The following AARS1 variants were observed in gnomAD, a reference collection of about 807,000 sequenced individuals.
The protein encoded by AARS1 is alanine--tRNA ligase, cytoplasmic.
Under a neutral mutation model 108.9 loss-of-function variants are expected in AARS1, and 72 were observed. The ratio of observed to expected loss-of-function variants is 0.66; its 90% CI spans 0.55 to 0.80. The LOEUF is 0.80. Ranked by LOEUF, AARS1 falls within the 30% of genes least tolerant of loss-of-function variation. AARS1 has a pLI of 0.00. For synonymous variants in AARS1, 489 were observed against 465.7 expected, an observed-to-expected ratio of 1.05 and a Z score of -0.64; for missense variants, 1,193 against 1,233.2, an observed-to-expected ratio of 0.97 and a Z score of 0.49.
intron 8 of AARS1, 29 bp downstream of exon 8, chr16:70,268,242 C>A (rs776964399): frequency 3.2e-5 from 51 of 1,594,342 alleles, no homozygotes; most frequent in Admixed American, 1.0e-4. Context: ...TGCTTTAGCA[C>A]AGAAGGGTAA....
chr16:70,253,416 G>T (rs763612004), intron 19 of AARS1, 35 bp from the exon 20 acceptor site: 8 of 1,529,084 alleles, frequency 5.2e-6, no homozygotes, highest in Non-Finnish European at 7.2e-6. Context: ...CACGGTGCTG[G>T]AGCAGGGACC....
intron 4 of AARS1, among the ~76,000 whole-genome samples, chr16:70,272,751 C>G (rs1365469534): frequency 6.7e-6 from 1 of 150,226 alleles, no homozygotes; most frequent in Non-Finnish European, 1.5e-5. Context: ...AACCCCGACT[C>G]TCTAAAAAAT....
At chr16:70,268,174 C>G in intron 8 of AARS1, 97 bp downstream of exon 8, 1 of 1,178,006 alleles carries the variant, frequency 8.5e-7, no homozygotes, top group South Asian at 1.3e-5. Flanking sequence ...TCTCAAAAAA[C>G]AGCAACAAAA....
In AARS1 at chr16:70,267,691, A is replaced by C; in HGVS notation, c.1190T>G (p.Ile397Ser). 1 of 1,614,042 alleles carries C rather than the reference A, an allele frequency of 6.2e-7. No homozygotes were observed. Among genetic ancestry groups the C allele is most frequent in the Non-Finnish European group, 8.5e-7 (1 of 1,180,014 alleles). ...GGTCTTGCTGTCTCCCAGGCTCTGA[A>C]TTTTCCTGTCCAGGATGCGACGCCC... ...SRGRRILDRK[I>S]QSLGDSKTIP... is the part of the protein sequence containing the mutation. The change falls in exon 9 of 21, where the codon ATT (isoleucine) becomes AGT (serine). Residue 397 changes from isoleucine (I) to serine (S), a missense_variant. By Grantham distance (142) the Ile-to-Ser change is moderately radical (BLOSUM62 -2). Coordinates refer to ENST00000261772, the MANE Select transcript of AARS1 (RefSeq NM_001605.3).
chr16:70,277,235 C>T lies in AARS1; in HGVS notation c.145-81G>A, dbSNP rs975931836. The T allele has an allele frequency of 5.1e-5, 69 of 1,350,086 alleles. 1 individual carries two copies. The highest frequency in any genetic ancestry group is 2.2e-4 in the Middle Eastern group (1 of 4,466). 83.6% of individuals were successfully genotyped at this position (1,350,086 alleles called of 1,614,324 possible). On this transcript the variant is annotated intron_variant, in intron 2 of 20. Transcript: ENST00000261772. ...CCACACACTAGCAGGAAGAGACGAC[C>T]ACACACTAACTGTGCAGTTCATGAT...
chr16:70,265,282 G>T (rs992751671), intron 10 of AARS1, 180 bp from the exon 11 acceptor site: 4 of 949,512 alleles, frequency 4.2e-6, no homozygotes, highest in Non-Finnish European at 6.6e-6. Flanking sequence ...TGCAGTGTGG[G>T]ATGCTGAGGG....
At chr16:70,275,515 C>G (rs1224415775) in intron 4 of AARS1, among the ~76,000 whole-genome samples, 1 of 151,836 alleles carries the variant, frequency 6.6e-6, no homozygotes. Context: ...GTAATCCCAG[C>G]ACTTTGGGAG....
At chr16:70,275,782 T>C (rs976935282) in intron 4 of AARS1, among the ~76,000 whole-genome samples, 38 of 137,582 alleles carry the variant, frequency 2.8e-4, no homozygotes, top group Admixed American at 2.1e-3. Context: ...CAAAAATATA[T>C]ATATATTAGC....
chr16:70,284,665 G>T (rs1198062389), intron 1 of AARS1, among the ~76,000 whole-genome samples: 2 of 152,184 alleles, frequency 1.3e-5, no homozygotes, highest in Admixed American at 6.6e-5. Context: ...GTAGGCTGGG[G>T]AGAAGTGACA....
chr16:70,254,200 A>C (rs1959921868), intron 17 of AARS1, among the ~76,000 whole-genome samples, 162 bp from the exon 18 acceptor site: 1 of 152,202 alleles, frequency 6.6e-6, no homozygotes, highest in Non-Finnish European at 1.5e-5. Flanking sequence ...GTGGCAGGTG[A>C]AACAAGCAGG....
intron 12 of AARS1, 139 bp from the exon 13 acceptor site, chr16:70,261,296 A>T (rs1364571543): frequency 1.7e-6 from 1 of 591,810 alleles, no homozygotes; most frequent in African/African-American, 1.9e-5. Context: ...CCTTAATATC[A>T]TTAAATATGA....
At chr16:70,269,819 T>C (rs1455604915) in intron 6 of AARS1, 56 bp from the exon 7 acceptor site, 2 of 1,609,372 alleles carry the variant, frequency 1.2e-6, no homozygotes, top group Non-Finnish European at 8.5e-7. Context: ...TGGCGCTACC[T>C]TGCCCAAGGA....
Position 70,277,139 on chromosome 16 carries a change from G to T in AARS1, c.160C>A (p.Leu54Met). 1 of 1,614,132 alleles carries T rather than the reference G, an allele frequency of 6.2e-7. No homozygotes were observed. Among genetic ancestry groups the T allele is most frequent in the Non-Finnish European group, 8.5e-7 (1 of 1,180,026 alleles). Residue 54 changes from leucine to methionine, a missense_variant, in exon 3 of 21, where the codon CTG becomes ATG. Physicochemically the swap from Leu to Met is conservative, Grantham distance 15. Coordinates refer to ENST00000261772, the MANE Select transcript of AARS1 (RefSeq NM_001605.3). ...AGMNQFKPIF[L>M]NTIDPSHPMA... ...GGGTGAGATGGGTCAATTGTGTTCA[G>T]GAAAATGGGTTTAAACTAAAAGAGA... is the stretch of plus-strand genomic sequence containing the variant.
intron 11 of AARS1, among the ~76,000 whole-genome samples, chr16:70,263,338 G>A (rs1225186487): frequency 2.0e-5 from 3 of 152,164 alleles, no homozygotes; most frequent in African/African-American, 4.8e-5. Flanking sequence ...TTGTGAGGCT[G>A]AGACGGGTGG....
At chr16:70,285,358 C>T (rs1960813454) in intron 1 of AARS1, among the ~76,000 whole-genome samples, 2 of 152,158 alleles carry the variant, frequency 1.3e-5, no homozygotes, top group South Asian at 4.1e-4. Context: ...ATCACTTAAG[C>T]AGCCTTAAAC....
chr16:70,281,984 T>C (rs901031847), intron 2 of AARS1, among the ~76,000 whole-genome samples: 2 of 151,952 alleles, frequency 1.3e-5, no homozygotes, highest in Non-Finnish European at 2.9e-5. Flanking sequence ...ACCCCATCTC[T>C]ACTAAAAATA....
chr16:70,277,189 G>A (rs769235123), intron 2 of AARS1, 35 bp from the exon 3 acceptor site: 4 of 1,603,886 alleles, frequency 2.5e-6, no homozygotes, highest in East Asian at 2.2e-5. Context: ...ACTTTTAAAG[G>A]GTGCAAGTGA....
At position 70,252,552 on chromosome 16, in the gene AARS1, G is replaced by A; in HGVS notation, c.*169C>T. ...CGATGGCACTGACGTGGAGGGCTCA[G>A]GGCAGAAATTTAAGGGGCACTGAGA... On this transcript the variant is annotated 3_prime_UTR_variant, in exon 21 of 21. Coordinates refer to ENST00000261772, the MANE Select transcript of AARS1 (RefSeq NM_001605.3). The A allele has an allele frequency of 1.4e-6, 1 of 717,408 alleles. No individual in the cohort carries two copies. 44.4% of individuals were successfully genotyped at this position (717,408 alleles called of 1,614,324 possible).
intron 1 of AARS1, among the ~76,000 whole-genome samples, chr16:70,284,658 G>C (rs1960797674): frequency 1.3e-5 from 2 of 152,174 alleles, no homozygotes; most frequent in South Asian, 4.1e-4. Context: ...CTGAGAGGTA[G>C]GCTGGGGAGA....
Sources: allele counts gnomAD v4.1 joint callset (sites outside exome capture counted in the v4.1 genomes callset), GRCh38; gene constraint gnomAD v4.1.1; transcripts MANE v1.5; gene names NCBI Gene and HGNC (gene_info 2026-07-23, HGNC 2026-07-21).